CYTH1: variants seen among roughly 807,000 people sequenced by gnomAD.
CYTH1 encodes the protein cytohesin-1.
A neutral mutation model predicts 61.8 loss-of-function variants in CYTH1; 18 were observed. That is an observed-to-expected ratio of 0.29 (90% CI 0.20 to 0.43). CYTH1 has a LOEUF of 0.43. CYTH1 is among the 20% of genes least tolerant of loss of function. CYTH1 has a pLI of 1.00. For missense variants in CYTH1, 336 were observed against 510.5 expected, an observed-to-expected ratio of 0.66 and a Z score of 3.29; for synonymous variants, 174 against 184.3, an observed-to-expected ratio of 0.94 and a Z score of 0.45.
chr17:78,765,235 C>CT (rs2093443904), intron 1 of CYTH1, among the ~76,000 whole-genome samples: 1 of 152,114 alleles, frequency 6.6e-6, no homozygotes, highest in Non-Finnish European at 1.5e-5. Flanking sequence ...CATCAGTAGA[C>CT]TCAAAGAGAA....
intron 11 of CYTH1, among the ~76,000 whole-genome samples, chr17:78,689,846 T>A (rs2092859727): frequency 6.6e-6 from 1 of 152,102 alleles, no homozygotes; most frequent in African/African-American, 2.4e-5. Flanking sequence ...CAAGTCCTGT[T>A]CAGTTTGCCT....
intron 1 of CYTH1, among the ~76,000 whole-genome samples, chr17:78,764,079 C>A (rs754784124): frequency 3.3e-5 from 5 of 152,090 alleles, no homozygotes; most frequent in Non-Finnish European, 7.4e-5. Context: ...TCACTGCACT[C>A]CAGCCTGGGT....
intron 11 of CYTH1, among the ~76,000 whole-genome samples, chr17:78,689,677 T>C (rs1473256218): frequency 6.6e-6 from 1 of 152,214 alleles, no homozygotes; most frequent in African/African-American, 2.4e-5. Context: ...ATGGATATCA[T>C]GCTCATGGGA....
At chr17:78,740,596 CTGTT>C (rs2093338461) in intron 1 of CYTH1, among the ~76,000 whole-genome samples, 2 of 152,210 alleles carry the variant, frequency 1.3e-5, no homozygotes, top group Admixed American at 1.3e-4. Context: ...ACAATTACCA[CTGTT>C]TGTTAAAAAA....
intron 1 of CYTH1, chr17:78,727,572 G>C: frequency 2.4e-6 from 1 of 410,040 alleles, no homozygotes; most frequent in East Asian, 7.8e-5. Flanking sequence ...CAAAAGTTTG[G>C]GAGAGGTGTA....
rs922838 is a variant in CYTH1, at chr17:78,696,216, G to T, written c.812-207C>A. On this transcript the variant is annotated intron_variant, in intron 9 of 13. Coordinates refer to ENST00000446868, the MANE Select transcript of CYTH1 (RefSeq NM_004762.6). ...CCACTACTGTCTGGCACGTGAACGAGGGGCTCTTACATGCCACGTTCCACC... is the reference window on the plus strand; with the variant it reads ...CCACTACTGTCTGGCACGTGAACGATGGGCTCTTACATGCCACGTTCCACC... 6.8e-4 allele frequency among the ~76,000 whole-genome samples: 104 copies of T among 152,212 alleles called. 2 individuals are homozygous for T. In the East Asian group the frequency reaches 0.018, roughly 26 times the overall value.
chr17:78,683,978 T>G (rs2092790062), intron 11 of CYTH1, among the ~76,000 whole-genome samples: 1 of 152,180 alleles, frequency 6.6e-6, no homozygotes, highest in South Asian at 2.1e-4. Flanking sequence ...ATGTATACTC[T>G]TTGACTGGTG....
At chr17:78,703,517 A>G (rs549740930) in intron 3 of CYTH1, among the ~76,000 whole-genome samples, 2 of 152,190 alleles carry the variant, frequency 1.3e-5, no homozygotes, top group Non-Finnish European at 2.9e-5. Flanking sequence ...AAGTTGTGCA[A>G]CATCACCATA....
chr17:78,766,415 C>G (rs1266205736), intron 1 of CYTH1, among the ~76,000 whole-genome samples: 1 of 152,180 alleles, frequency 6.6e-6, no homozygotes, highest in African/African-American at 2.4e-5. Flanking sequence ...TGTTCTGGCT[C>G]CAGGGAATCA....
At chr17:78,750,442 C>A (rs2144670434) in intron 1 of CYTH1, among the ~76,000 whole-genome samples, 1 of 152,130 alleles carries the variant, frequency 6.6e-6, no homozygotes, top group East Asian at 1.9e-4. Context: ...GATGTCACAG[C>A]CTGAAGTTTA....
At chr17:78,765,688 C>G (rs1255521794) in intron 1 of CYTH1, among the ~76,000 whole-genome samples, 1 of 152,122 alleles carries the variant, frequency 6.6e-6, no homozygotes, top group Non-Finnish European at 1.5e-5. Context: ...CCAGATGGTC[C>G]CCCAGAAGAC....
intron 12 of CYTH1, among the ~76,000 whole-genome samples, chr17:78,680,655 C>G (rs2092751117): frequency 6.6e-6 from 1 of 152,156 alleles, no homozygotes; most frequent in African/African-American, 2.4e-5. Flanking sequence ...CAGCCCAAAA[C>G]AAAGGAAAAC....
chr17:78,764,250 G>A (rs776097001), intron 1 of CYTH1, among the ~76,000 whole-genome samples: 11 of 146,478 alleles, frequency 7.5e-5, no homozygotes, highest in Non-Finnish European at 1.3e-4. Context: ...AGGCTGGAGT[G>A]CAGTGGCACT....
chr17:78,724,671 G>C (rs915333895), intron 1 of CYTH1, among the ~76,000 whole-genome samples: 2 of 152,296 alleles, frequency 1.3e-5, no homozygotes, highest in Admixed American at 6.5e-5. Context: ...CAATGGAAGA[G>C]GGGGTGGAAA....
At chr17:78,736,175 C>T (rs77564011) in intron 1 of CYTH1, among the ~76,000 whole-genome samples, 2,420 of 152,278 alleles carry the variant, frequency 0.016, 71 homozygotes, top group African/African-American at 0.056. Context: ...TCTTTCAATC[C>T]GATCTCTAAT....
intron 1 of CYTH1, among the ~76,000 whole-genome samples, chr17:78,762,940 T>A (rs893016298): frequency 6.6e-6 from 1 of 152,158 alleles, no homozygotes; most frequent in African/African-American, 2.4e-5. Context: ...AAGATAATAA[T>A]GTATATTGTC....
chr17:78,688,741 G>A (rs144086714), intron 11 of CYTH1, among the ~76,000 whole-genome samples: 181 of 152,306 alleles, frequency 1.2e-3, no homozygotes, highest in Middle Eastern at 6.8e-3. Context: ...GTCTTTTGAT[G>A]CAGGGTGCTT....
At chr17:78,718,778 C>T (rs2093204000) in intron 1 of CYTH1, among the ~76,000 whole-genome samples, 1 of 152,230 alleles carries the variant, frequency 6.6e-6, no homozygotes, top group South Asian at 2.1e-4. Context: ...CAGTTATTAG[C>T]ACTGTTGTGA....
intron 1 of CYTH1, chr17:78,736,554 G>A (rs2093320959): frequency 2.4e-5 from 5 of 204,142 alleles, no homozygotes; most frequent in Middle Eastern, 4.8e-4. Context: ...GTCTAGGTTG[G>A]TCCTTAACTC....
Sources: allele counts gnomAD v4.1 joint callset (sites outside exome capture counted in the v4.1 genomes callset), GRCh38; gene constraint gnomAD v4.1.1; transcripts MANE v1.5; gene names NCBI Gene and HGNC (gene_info 2026-07-23, HGNC 2026-07-21).